Variants in STAP2 observed in about 807,000 individuals in gnomAD.
STAP2 encodes signal-transducing adaptor protein 2.
A neutral mutation model predicts 52.7 loss-of-function variants in STAP2; 58 were observed. That is an observed-to-expected ratio of 1.10 (90% CI 0.89 to 1.37). The LOEUF (loss-of-function observed/expected upper bound fraction) is 1.37, where lower values mean the gene tolerates loss of function less well. Among genes scored for constraint, STAP2 ranks in the 40% most tolerant of loss-of-function variants. STAP2 has a pLI of 0.00. For missense variants in STAP2, 522 were observed against 519.4 expected, an observed-to-expected ratio of 1.00 and a Z score of -0.05; for synonymous variants, 231 against 210.5, an observed-to-expected ratio of 1.10 and a Z score of -0.84.
intron 1 of STAP2, 104 bp downstream of exon 1, chr19:4,338,548 A>AACCCCCCCCCCCC: frequency 1.9e-6 from 1 of 527,402 alleles, no homozygotes; most frequent in East Asian, 5.4e-5. Context: ...CCCATCCAGC[A>AACCCCCCCCCCCC]CCCACCCCGC....
chr19:4,329,772 G>C (rs1219778261), intron 5 of STAP2, among the ~76,000 whole-genome samples, 189 bp downstream of exon 5: 1 of 151,762 alleles, frequency 6.6e-6, no homozygotes. Context: ...CCCGCTCCTG[G>C]AGATCCTGCC....
intron 1 of STAP2, among the ~76,000 whole-genome samples, chr19:4,334,470 C>T (rs1484566061): frequency 1.3e-5 from 2 of 151,370 alleles, no homozygotes; most frequent in East Asian, 3.9e-4. Flanking sequence ...CTACCATTGA[C>T]CCATCCATTC....
intron 1 of STAP2, among the ~76,000 whole-genome samples, chr19:4,335,874 C>G (rs1005311425): frequency 3.3e-5 from 5 of 152,066 alleles, no homozygotes; most frequent in Admixed American, 6.6e-5. Context: ...TGACTACAGC[C>G]CTAACTCCCT....
chr19:4,326,392 G>C (rs1206107606), intron 9 of STAP2, among the ~76,000 whole-genome samples: 1 of 152,166 alleles, frequency 6.6e-6, no homozygotes, highest in Non-Finnish European at 1.5e-5. Flanking sequence ...GCACTTGGGG[G>C]TCCTTGCATA....
chr19:4,324,235 G>T (rs767993791), intron 12 of STAP2, 38 bp from the exon 13 acceptor site: 1 of 1,546,180 alleles, frequency 6.5e-7, no homozygotes, highest in South Asian at 1.2e-5. Context: ...CTGGCTCAGG[G>T]ATCCCCAGTC....
At position 4,325,305 on chromosome 19, in the gene STAP2, G is replaced by A; in HGVS notation, c.983C>T (p.Ala328Val). 1 of 1,614,220 alleles carries A rather than the reference G, an allele frequency of 6.2e-7. No individual in the cohort carries two copies. The highest frequency in any genetic ancestry group is 8.5e-7 in the Non-Finnish European group (1 of 1,180,036). Residue 328 changes from alanine to valine, a missense_variant, in exon 11 of 13, where the codon GCT becomes GTT. Coordinates refer to ENST00000594605, the MANE Select transcript of STAP2 (RefSeq NM_001013841.2). Reference protein sequence around the residue: ...PAVDYENQDVASSSWPVILKP... With the variant: ...PAVDYENQDVVSSSWPVILKP... Reference sequence around the variant, plus strand: ...CAGGATGACTGGCCAACTAGAGGAAGCCACTGCGTGGACAAAAGTGTAACG... The same window carrying A: ...CAGGATGACTGGCCAACTAGAGGAAACCACTGCGTGGACAAAAGTGTAACG...
rs1280820369 is a variant in STAP2 at position 4,338,723 on chromosome 19, G to T, written c.31C>A (p.Pro11Thr). The change falls in exon 1 of 13, where the codon CCC (proline) becomes ACC (threonine). Residue 11 changes from proline (P) to threonine (T), a missense_variant. Pro to Thr is a conservative substitution (Grantham distance 38, BLOSUM62 -1). Transcript: ENST00000594605. MASALRPPRV[P>T]KPKGVLPSHY... Reference sequence around the variant, plus strand: ...GAAGGCAGGACACCCTTAGGCTTGGGGACACGGGGTGGCCTCAGGGCAGAG... The same window carrying T: ...GAAGGCAGGACACCCTTAGGCTTGGTGACACGGGGTGGCCTCAGGGCAGAG... The T allele has an allele frequency of 6.2e-7, 1 of 1,613,396 alleles. No homozygotes were observed. Among genetic ancestry groups the T allele is most frequent in the Non-Finnish European group, 8.5e-7 (1 of 1,179,772 alleles).
At chr19:4,329,698 T>C (rs1399521696) in intron 5 of STAP2, among the ~76,000 whole-genome samples, 1 of 151,510 alleles carries the variant, frequency 6.6e-6, no homozygotes, top group Non-Finnish European at 1.5e-5. Flanking sequence ...CCCCAGACCC[T>C]GTCCCTACTC....
rs1229235146 is a variant in STAP2, at chr19:4,325,444, C to T, written c.931G>A (p.Val311Met). 6 of 1,614,090 alleles carry T rather than the reference C, an allele frequency of 3.7e-6. No homozygotes were observed. The highest frequency in any genetic ancestry group is 2.2e-5 in the East Asian group (1 of 44,886). The change falls in exon 10 of 13, where the codon GTG becomes ATG. Residue 311 changes from valine to methionine, a missense_variant. Val to Met is a conservative substitution (Grantham distance 21). Coordinates refer to ENST00000594605, the MANE Select transcript of STAP2 (RefSeq NM_001013841.2). ...PPLPNQEENYVTPIGDGPAVD... is the reference protein window; with the variant it reads ...PPLPNQEENYMTPIGDGPAVD... ...GCTGGGCCATCTCCAATGGGGGTCA[C>T]GTAGTTCTCTTCCTGGTTCGGTAGT...
chr19:4,329,968 T>C lies in STAP2; in HGVS notation c.448A>G (p.Thr150Ala). The change falls in exon 5 of 13, where the codon ACA (threonine) becomes GCA (alanine). Residue 150 changes from threonine to alanine, a missense_variant. Transcript: ENST00000594605. The part of the protein sequence containing the change: ...AKEEARRALE[T>A]PSCFLKVSRL... ...GACAGGCGGGACACTCACGAGGGTG[T>C]CTCCAGTGCACGGCGCGCCTCCTCT... 6.2e-7 allele frequency: 1 copy of C among 1,612,834 alleles called. No homozygotes were observed. Among genetic ancestry groups the C allele is most frequent in the Non-Finnish European group, 8.5e-7 (1 of 1,179,718 alleles).
Position 4,328,739 on chromosome 19 carries a change from G to T in STAP2, c.526C>A (p.Leu176Met). 6.2e-7 allele frequency: 1 copy of T among 1,609,836 alleles called. No individual in the cohort carries two copies. Among genetic ancestry groups the T allele is most frequent in the Non-Finnish European group, 8.5e-7 (1 of 1,178,778 alleles). The stretch of plus-strand genomic sequence containing the variant: ...GCGCCGTCCCCGCTGGGCCGCAGCA[G>T]CAGGTTCCCGCACTCGGGGTAGCGC... ...LERYPECGNLLLRPSGDGADG... is the reference protein window; with the variant it reads ...LERYPECGNLMLRPSGDGADG... The change falls in exon 6 of 13, where the codon CTG (leucine) becomes ATG (methionine). Residue 176 changes from leucine (L) to methionine (M), a missense_variant. Transcript: ENST00000594605.
chr19:4,325,968 C>CAA (rs78798425), intron 9 of STAP2, among the ~76,000 whole-genome samples: 124 of 127,930 alleles, frequency 9.7e-4, no homozygotes, highest in African/African-American at 3.3e-3. Context: ...GACTCCATCT[C>CAA]AAAAAAAAAA....
chr19:4,324,364 A>C lies in STAP2; in HGVS notation c.1147+91T>G, dbSNP rs973651667. The C allele has an allele frequency of 2.2e-6, 3 of 1,362,618 alleles. No individual in the cohort carries two copies. The African/African-American group carries it at 4.4e-5, about 20-fold the overall frequency. 84.4% of individuals were successfully genotyped at this position (1,362,618 alleles called of 1,614,324 possible). A position where few individuals can be genotyped will look rare whatever the true frequency, so the allele number is the denominator to read the frequency against. ...AAGACAGAGACAGCAGAACCTTAAA[A>C]GACAGGGCGCTTCGGAGTGTGGGGA... On this transcript the variant is annotated intron_variant, in intron 12 of 12. Transcript: ENST00000594605.
rs372091574 is a variant in STAP2, at chr19:4,333,763, G to A, written c.228C>T (p.Pro76=). The A allele has an allele frequency of 5.0e-6, 8 of 1,613,642 alleles. No homozygotes were observed. The highest frequency in any genetic ancestry group is 3.3e-5 in the Admixed American group (2 of 59,992). ...TGCCAGGGTCACGTGAGCTTCCCCA[G>A]GGAATCTCATCTGTGAGTTTCTCAA... ...GAFEKLTDEI[P]WGSSRDPGTH... Residue 76 remains proline (P), a synonymous_variant, in exon 3 of 13, where the codon CCC becomes CCT. Coordinates refer to ENST00000594605, the MANE Select transcript of STAP2 (RefSeq NM_001013841.2).
rs145032917 is a variant in STAP2 at position 4,325,514 on chromosome 19, C to A, written c.861G>T (p.Pro287=). 1.4e-5 allele frequency: 23 copies of A among 1,605,938 alleles called. No individual in the cohort carries two copies. The African/African-American group carries it at 2.9e-4, about 21-fold the overall frequency. The part of the protein sequence containing the change: ...GPAPCTGGPK[P]LSPASSQDKL... ...TGTCCTGGCTAGACGCAGGTGACAGCGGCTTGGGGCCACCTGTGCAGGGTG... is the reference window on the plus strand; with the variant it reads ...TGTCCTGGCTAGACGCAGGTGACAGAGGCTTGGGGCCACCTGTGCAGGGTG... The change falls in exon 10 of 13, where the codon CCG becomes CCT. Residue 287 remains proline, a synonymous_variant. Coordinates refer to ENST00000594605, the MANE Select transcript of STAP2 (RefSeq NM_001013841.2).
chr19:4,331,498 C>T lies in STAP2; in HGVS notation c.354+524G>A, dbSNP rs555812580. 4.6e-5 allele frequency among the ~76,000 whole-genome samples: 7 copies of T among 151,332 alleles called. No homozygotes were observed. The South Asian group carries it at 6.3e-4, about 14-fold the overall frequency. ...TACAAAAATTAGCCAGGCGTGGTGG[C>T]GGACGCCTGTAATCCCAGCTACTCG... is the stretch of plus-strand genomic sequence containing the variant. On this transcript the variant is annotated intron_variant, in intron 4 of 12. Transcript: ENST00000594605.
chr19:4,329,000 G>GT (rs751529701), intron 5 of STAP2, 191 bp from the exon 6 acceptor site: 7 of 722,972 alleles, frequency 9.7e-6, no homozygotes, highest in Non-Finnish European at 1.5e-5. Flanking sequence ...TTTTTGTGGG[G>GT]TTTTTTGTTT....
chr19:4,334,635 A>G (rs558394188), intron 1 of STAP2, among the ~76,000 whole-genome samples: 8 of 148,646 alleles, frequency 5.4e-5, no homozygotes, highest in African/African-American at 2.0e-4. Flanking sequence ...CCATTCATCT[A>G]TCCATCCACC....
At position 4,327,108 on chromosome 19, in the gene STAP2, C is replaced by G; in HGVS notation, c.763+16G>C. The G allele has an allele frequency of 1.9e-6, 3 of 1,614,010 alleles. No individual in the cohort carries two copies. In the South Asian group the frequency reaches 3.3e-5, roughly 18 times the overall value. The stretch of plus-strand genomic sequence containing the variant: ...GGTGAGCACTGGGCCCCCGAACTCC[C>G]CGAAGGGGCACCCACCTAGCACCTT... On this transcript the variant is annotated intron_variant, in intron 8 of 12. Transcript: ENST00000594605.
Sources: gnomAD v4.1 joint callset for allele counts (sites outside exome capture counted in the v4.1 genomes callset) on GRCh38, gnomAD v4.1.1 for gene constraint, MANE v1.5 for transcripts, NCBI Gene and HGNC (gene_info 2026-07-23, HGNC 2026-07-21) for gene names.